PALLD: variants seen among roughly 807,000 people sequenced by gnomAD.
PALLD encodes palladin, cytoskeletal associated protein.
Under a neutral mutation model 123.5 loss-of-function variants are expected in PALLD, and 61 were observed. That is an observed-to-expected ratio of 0.49 (90% CI 0.40 to 0.61). The LOEUF (loss-of-function observed/expected upper bound fraction) is 0.61. PALLD is among the 20% of genes least tolerant of loss of function. The pLI is 0.00. For missense variants in PALLD, 1,273 were observed against 1,377.0 expected (o/e 0.92, Z 1.20); for synonymous variants, 465 against 496.4 (o/e 0.94, Z 0.84).
intron 10 of PALLD, among the ~76,000 whole-genome samples, chr4:168,788,947 A>AT (rs1325034392): frequency 3.3e-5 from 5 of 152,186 alleles, no homozygotes; most frequent in African/African-American, 1.2e-4. Context: ...CCCCAACTTC[A>AT]TATACTTCTT....
intron 3 of PALLD, among the ~76,000 whole-genome samples, chr4:168,677,273 G>A (rs1487089293): frequency 6.6e-6 from 1 of 151,930 alleles, no homozygotes; most frequent in African/African-American, 2.4e-5. Context: ...GGGGAAGGCA[G>A]GGAACTGGCT....
intron 13 of PALLD, 31 bp downstream of exon 13, chr4:168,896,630 G>A (rs1255309944): frequency 1.6e-6 from 2 of 1,255,228 alleles, no homozygotes; most frequent in African/African-American, 3.0e-5. Context: ...TCTCCTTCCA[G>A]TCTTTCTCTG....
In PALLD at chr4:168,818,180, A is replaced by G. The variant is rs75482954; in HGVS notation, c.1965-72742A>G. ...AAATGTTTATTATCACAAACAAAGA[A>G]AAAATTAAAATGAGACACAGTGTTA... On this transcript the variant is annotated intron_variant, in intron 10 of 21. Transcript: ENST00000505667. Among the ~76,000 whole-genome samples, 1,238 of 152,398 alleles carry G rather than the reference A, an allele frequency of 8.1e-3. 6 individuals are homozygous for G. The highest frequency in any genetic ancestry group is 0.027 in the Middle Eastern group (8 of 294).
rs138251916 is a variant in PALLD at position 168,869,734 on chromosome 4, A to G, written c.1965-21188A>G. On this transcript the variant is annotated intron_variant, in intron 10 of 21. Coordinates refer to ENST00000505667, the MANE Select transcript of PALLD (RefSeq NM_001166108.2). This position sits in a 1 kb window ranked among gnomAD's most constrained non-coding sequence, Gnocchi z 4.5. The stretch of plus-strand genomic sequence containing the variant: ...AGGGTGAGAGGAGCTCTGTCTAGAC[A>G]TAAGTTTGAAGTGAAGTAGCACATT... Among the ~76,000 whole-genome samples the G allele has an allele frequency of 5.8e-3, 884 of 152,298 alleles. 2 individuals carry two copies. The highest frequency in any genetic ancestry group is 8.7e-3 in the Non-Finnish European group (594 of 68,014).
At chr4:168,560,182 T>C (rs1767725149) in intron 2 of PALLD, among the ~76,000 whole-genome samples, 2 of 152,120 alleles carry the variant, frequency 1.3e-5, no homozygotes, top group Non-Finnish European at 2.9e-5. Flanking sequence ...GACCCATAAT[T>C]AGATTTCTAG....
At chr4:168,796,226 T>C (rs2150646891) in intron 10 of PALLD, among the ~76,000 whole-genome samples, 1 of 152,284 alleles carries the variant, frequency 6.6e-6, no homozygotes, top group South Asian at 2.1e-4. Flanking sequence ...CTAACTAATT[T>C]TTTTAGTATT....
At chr4:168,863,525 CAT>C (rs1235974056) in intron 10 of PALLD, among the ~76,000 whole-genome samples, 1 of 152,164 alleles carries the variant, frequency 6.6e-6, no homozygotes, top group Non-Finnish European at 1.5e-5. Flanking sequence ...GAAATCCCTC[CAT>C]GAGGAAGCAG....
chr4:168,638,591 TTC>T (rs1238847485), intron 2 of PALLD, among the ~76,000 whole-genome samples: 1 of 152,190 alleles, frequency 6.6e-6, no homozygotes, highest in African/African-American at 2.4e-5. Context: ...TTGCTCACAG[TTC>T]TGAAGGCTGA....
At chr4:168,740,445 A>G (rs1788211407) in intron 10 of PALLD, among the ~76,000 whole-genome samples, 2 of 152,238 alleles carry the variant, frequency 1.3e-5, no homozygotes, top group South Asian at 2.1e-4. Context: ...GGATGCCTAT[A>G]CTTGAATTAA....
chr4:168,561,472 G>A (rs1767863194), intron 2 of PALLD, among the ~76,000 whole-genome samples: 1 of 151,996 alleles, frequency 6.6e-6, no homozygotes, highest in African/African-American at 2.4e-5. Flanking sequence ...TAGGGGTCTT[G>A]CTATATTGAC....
At chr4:168,723,156 T>G (rs1786191662) in intron 10 of PALLD, among the ~76,000 whole-genome samples, 1 of 152,144 alleles carries the variant, frequency 6.6e-6, no homozygotes. Flanking sequence ...GAAGGAACAT[T>G]AACATGGATG....
At chr4:168,891,127 CT>C in intron 11 of PALLD, 70 bp downstream of exon 11, 1 of 1,450,274 alleles carries the variant, frequency 6.9e-7, no homozygotes, top group Non-Finnish European at 9.7e-7. Context: ...TTCTCTAAGA[CT>C]TAGGTTCTTG....
intron 2 of PALLD, among the ~76,000 whole-genome samples, chr4:168,608,819 T>C (rs531511394): frequency 6.6e-6 from 1 of 151,890 alleles, no homozygotes; most frequent in South Asian, 2.1e-4. Flanking sequence ...CATAGGATAA[T>C]AGAAGATGAG....
At chr4:168,764,420 T>G (rs1733373066) in intron 10 of PALLD, among the ~76,000 whole-genome samples, 1 of 152,126 alleles carries the variant, frequency 6.6e-6, no homozygotes, top group Non-Finnish European at 1.5e-5. Flanking sequence ...AAAAAAATTT[T>G]TTTAGAAACA....
At position 168,564,700 on chromosome 4, in the gene PALLD, A is replaced by G. The variant is rs143709032; in HGVS notation, c.908+52288A>G. On this transcript the variant is annotated intron_variant, in intron 2 of 21. Coordinates refer to ENST00000505667, the MANE Select transcript of PALLD (RefSeq NM_001166108.2). ...CTATATAAATTACATGTACTATTATATATGCACAAAATGAATTTCTCTGGG... is the reference window on the plus strand; with the variant it reads ...CTATATAAATTACATGTACTATTATGTATGCACAAAATGAATTTCTCTGGG... Among the ~76,000 whole-genome samples, 408 of 152,352 alleles carry G rather than the reference A, an allele frequency of 2.7e-3. 21 individuals carry two copies. The East Asian group carries it at 0.062, about 23-fold the overall frequency.
At chr4:168,728,708 T>C (rs1384550044) in intron 10 of PALLD, among the ~76,000 whole-genome samples, 2 of 152,204 alleles carry the variant, frequency 1.3e-5, no homozygotes, top group Admixed American at 1.3e-4. Flanking sequence ...TTTTAATTGT[T>C]TTTTTATTTT....
chr4:168,760,663 G>C (rs1269799105), intron 10 of PALLD, among the ~76,000 whole-genome samples: 2 of 152,122 alleles, frequency 1.3e-5, no homozygotes, highest in Non-Finnish European at 2.9e-5. Context: ...TCTAACATCT[G>C]TCTCACCCAA....
At chr4:168,684,471 T>C (rs866781077) in intron 5 of PALLD, among the ~76,000 whole-genome samples, 8 of 152,164 alleles carry the variant, frequency 5.3e-5, no homozygotes, top group Non-Finnish European at 8.8e-5. Flanking sequence ...GGAGGGACCT[T>C]AAGCAAATAA....
chr4:168,646,800 T>A (rs1362999000), intron 2 of PALLD, among the ~76,000 whole-genome samples: 1 of 152,224 alleles, frequency 6.6e-6, no homozygotes, highest in Non-Finnish European at 1.5e-5. Context: ...AAGATGAGGA[T>A]AGTGTCTAAG....
Sources: gnomAD v4.1 joint callset for allele counts (sites outside exome capture counted in the v4.1 genomes callset) on GRCh38, gnomAD v4.1.1 for gene constraint, Gnocchi (gnomAD v3.1) non-coding constraint, MANE v1.5 for transcripts, NCBI Gene and HGNC (gene_info 2026-07-23, HGNC 2026-07-21) for gene names.